The following RAB23 variants were observed in gnomAD, a reference collection of about 807,000 sequenced individuals.
The protein encoded by RAB23 is ras-related protein Rab-23.
In RAB23, 15 loss-of-function variants were observed where a neutral mutation model predicts 30.0. The observed-to-expected ratio is 0.50, with a 90% CI of 0.33 to 0.77. The LOEUF is 0.77. Among genes scored for constraint, RAB23 ranks in the 30% least tolerant of loss-of-function variants. RAB23 has a pLI of 0.02. For missense variants in RAB23, 243 were observed against 275.4 expected, an observed-to-expected ratio of 0.88 and a Z score of 0.83; for synonymous variants, 93 against 94.0, an observed-to-expected ratio of 0.99 and a Z score of 0.06.
intron 2 of RAB23, among the ~76,000 whole-genome samples, chr6:57,208,273 G>A (rs1004018841): frequency 2.6e-5 from 4 of 152,076 alleles, no homozygotes; most frequent in African/African-American, 9.7e-5. Flanking sequence ...ATTTCCTTAG[G>A]TCAGTGCCTG....
intron 1 of RAB23, among the ~76,000 whole-genome samples, chr6:57,216,324 A>C (rs541419918): frequency 4.3e-4 from 65 of 152,356 alleles, no homozygotes; most frequent in African/African-American, 1.4e-3. Context: ...TACCAAGAAC[A>C]ACCACTAAAA....
intron 1 of RAB23, among the ~76,000 whole-genome samples, chr6:57,211,398 T>C (rs543070457): frequency 2.5e-4 from 38 of 152,182 alleles, no homozygotes; most frequent in Admixed American, 2.0e-3. Flanking sequence ...GGTCTGAAGC[T>C]GCAGTGAGCT....
chr6:57,220,883 A>G (rs1323318439), intron 1 of RAB23, among the ~76,000 whole-genome samples: 1 of 152,180 alleles, frequency 6.6e-6, no homozygotes, highest in Non-Finnish European at 1.5e-5. Flanking sequence ...AATTTCCTTA[A>G]AATAAATTTA....
At chr6:57,192,868 G>A (rs1237095831) in intron 6 of RAB23, among the ~76,000 whole-genome samples, 1 of 152,120 alleles carries the variant, frequency 6.6e-6, no homozygotes, top group East Asian at 1.9e-4. Flanking sequence ...GAAAAAAAAT[G>A]ACCAAAAGTG....
chr6:57,194,730 A>T, intron 5 of RAB23, 40 bp downstream of exon 5: 3 of 1,419,308 alleles, frequency 2.1e-6, no homozygotes, highest in Non-Finnish European at 3.0e-6. Flanking sequence ...GCAAGAATAA[A>T]ATTTCTTTTT....
At position 57,220,426 on chromosome 6, in the gene RAB23, T is replaced by C. The variant is rs565490398; in HGVS notation, c.-66+1300A>G. Among the ~76,000 whole-genome samples, 4 of 152,328 alleles carry C rather than the reference T, an allele frequency of 2.6e-5. No individual in the cohort carries two copies. The East Asian group carries it at 7.7e-4, about 29-fold the overall frequency. ...GCAATACCCTAGAGAAATGAAAACA[T>C]GTCCATGCAAAAACCTGTACATGGT... is the stretch of plus-strand genomic sequence containing the variant. On this transcript the variant is annotated intron_variant, in intron 1 of 6. Transcript: ENST00000468148.
At chr6:57,204,996 A>G (rs946866523) in intron 3 of RAB23, among the ~76,000 whole-genome samples, 2 of 151,612 alleles carry the variant, frequency 1.3e-5, no homozygotes. Context: ...GTACATATGT[A>G]CAGACATGTT....
Position 57,207,647 on chromosome 6 carries a change from A to C in RAB23, c.222T>G (p.Ile74Met). The C allele has an allele frequency of 6.3e-7, 1 of 1,599,956 alleles. No homozygotes were observed. Among genetic ancestry groups the C allele is most frequent in the Non-Finnish European group, 8.6e-7 (1 of 1,167,240 alleles). The change falls in exon 3 of 7, where the codon ATT becomes ATG. Residue 74 changes from isoleucine to methionine, a missense_variant. Transcript: ENST00000468148. ...TTTTACCTCGATAGTAGGCCTTTGT[A>C]ATTGCATCAAATTCCTCCTGACCTG... is the stretch of plus-strand genomic sequence containing the variant. ...DTAGQEEFDA[I>M]TKAYYRGAQA...
chr6:57,201,148 A>G (rs1350235676), intron 3 of RAB23, among the ~76,000 whole-genome samples: 1 of 147,436 alleles, frequency 6.8e-6, no homozygotes, highest in Non-Finnish European at 1.5e-5. Context: ...CAGTGGCATG[A>G]TCTTGGCTCA....
chr6:57,193,072 T>C (rs769239395), intron 6 of RAB23, among the ~76,000 whole-genome samples: 1 of 152,018 alleles, frequency 6.6e-6, no homozygotes, highest in Non-Finnish European at 1.5e-5. Flanking sequence ...CTTTAATCAG[T>C]AGATATGAAG....
intron 2 of RAB23, among the ~76,000 whole-genome samples, chr6:57,209,795 A>G (rs191937520): frequency 6.6e-6 from 1 of 152,226 alleles, no homozygotes; most frequent in Non-Finnish European, 1.5e-5. Context: ...TTTAGAGTAA[A>G]GCAAACTATT....
intron 3 of RAB23, among the ~76,000 whole-genome samples, chr6:57,203,286 G>T (rs971008139): frequency 1.3e-5 from 2 of 152,140 alleles, no homozygotes; most frequent in Non-Finnish European, 2.9e-5. Context: ...GATTACAGGC[G>T]TGAGCCACTG....
intron 1 of RAB23, among the ~76,000 whole-genome samples, chr6:57,218,019 C>T (rs2128008219): frequency 6.6e-6 from 1 of 152,268 alleles, no homozygotes; most frequent in Middle Eastern, 3.4e-3. Flanking sequence ...GACCATAATT[C>T]ACCCAATATA....
At position 57,207,725 on chromosome 6, in the gene RAB23, G is replaced by A; in HGVS notation, c.156-12C>T. The stretch of plus-strand genomic sequence containing the variant: ...CTTCATCATTAACTCTAAAACAAGA[G>A]ATGAATTTATTTCATATGTAAAGGA... On this transcript the variant is annotated splice_polypyrimidine_tract_variant and intron_variant, in intron 2 of 6. Coordinates refer to ENST00000468148, the MANE Select transcript of RAB23 (RefSeq NM_016277.5). 1 of 1,532,254 alleles carries A rather than the reference G, an allele frequency of 6.5e-7. No individual in the cohort carries two copies. Among genetic ancestry groups the A allele is most frequent in the South Asian group, 1.1e-5 (1 of 88,116 alleles). The allele number at this position is 1,532,254 out of a possible 1,614,324, so 94.9% of individuals were successfully genotyped here.
chr6:57,210,969 A>AT (rs1765632358), intron 1 of RAB23, among the ~76,000 whole-genome samples: 5 of 152,268 alleles, frequency 3.3e-5, no homozygotes, highest in Admixed American at 3.3e-4. Flanking sequence ...ACATGATGCC[A>AT]TAAGGGAAAA....
At chr6:57,199,260 G>T (rs9367715) in intron 3 of RAB23, among the ~76,000 whole-genome samples, 2 of 151,994 alleles carry the variant, frequency 1.3e-5, no homozygotes, top group African/African-American at 2.4e-5. Context: ...GTGGCGGGGG[G>T]GTGGAATGAA....
rs1229665349 is a variant in RAB23, at chr6:57,207,702, T to G, written c.167A>C (p.Glu56Ala). 14 of 1,595,730 alleles carry G rather than the reference T, an allele frequency of 8.8e-6. No homozygotes were observed. Among genetic ancestry groups the G allele is most frequent in the Non-Finnish European group, 1.1e-5 (13 of 1,163,910 alleles). The change falls in exon 3 of 7, where the codon GAA becomes GCA. Residue 56 changes from glutamate to alanine, a missense_variant. Transcript: ENST00000468148. ...GTCCCATAACATTAGTCTGACATCT[T>G]CATCATTAACTCTAAAACAAGAGAT... ...FLERQIQVNDEDVRLMLWDTA... is the reference protein window; with the variant it reads ...FLERQIQVNDADVRLMLWDTA...
In RAB23 at chr6:57,190,604, T is replaced by TATAA. The variant is rs1429640163; in HGVS notation, c.575-8_575-5dup. ...CCACCAGATGTATTAAAGACACCTG[T>TATAA]ATAAATTGAGGGAAAAGAGTGATTG... On this transcript the variant is annotated splice_polypyrimidine_tract_variant and splice_region_variant and intron_variant, in intron 6 of 6. Transcript: ENST00000468148. The TATAA allele has an allele frequency of 6.2e-7, 1 of 1,613,882 alleles. No individual in the cohort carries two copies.
At chr6:57,217,037 T>A (rs545600457) in intron 1 of RAB23, among the ~76,000 whole-genome samples, 1 of 152,266 alleles carries the variant, frequency 6.6e-6, no homozygotes, top group Admixed American at 6.5e-5. Flanking sequence ...TCTACTGACC[T>A]CCTGTCTCAA....
Sources: allele counts gnomAD v4.1 joint callset (sites outside exome capture counted in the v4.1 genomes callset), GRCh38; gene constraint gnomAD v4.1.1; transcripts MANE v1.5; gene names NCBI Gene and HGNC (gene_info 2026-07-23, HGNC 2026-07-21).